The following NUSAP1 variants were observed in gnomAD, a reference collection of about 807,000 sequenced individuals.
NUSAP1 encodes the protein nucleolar and spindle associated protein 1, also known as nucleolar and spindle-associated protein 1.
A neutral mutation model predicts 52.8 loss-of-function variants in NUSAP1; 32 were observed. The ratio of observed to expected loss-of-function variants is 0.61; its 90% CI spans 0.46 to 0.81. The LOEUF is 0.81. Among genes scored for constraint, NUSAP1 ranks in the 40% least tolerant of loss-of-function variants. The pLI, the probability that NUSAP1 is intolerant of heterozygous loss-of-function variation, is 0.00. For synonymous variants in NUSAP1, 195 were observed against 183.1 expected (o/e 1.06, Z -0.52); for missense variants, 499 against 522.3 (o/e 0.96, Z 0.43).
At chr15:41,340,014 C>G (rs1466829495) in intron 1 of NUSAP1, among the ~76,000 whole-genome samples, 2 of 150,584 alleles carry the variant, frequency 1.3e-5, no homozygotes, top group East Asian at 4.0e-4. Flanking sequence ...TTTGGGTGAT[C>G]TTCCTGCCTC....
At chr15:41,357,857 G>A (rs942729525) in intron 5 of NUSAP1, among the ~76,000 whole-genome samples, 1 of 152,058 alleles carries the variant, frequency 6.6e-6, no homozygotes, top group African/African-American at 2.4e-5. Flanking sequence ...GTGACTAATT[G>A]GTAGGGGAGA....
rs2048688622 is a variant in NUSAP1, at chr15:41,349,120, C to T, written c.185C>T (p.Ser62Phe). The T allele has an allele frequency of 6.2e-7, 1 of 1,613,858 alleles. No individual in the cohort carries two copies. Among genetic ancestry groups the T allele is most frequent in the Non-Finnish European group, 8.5e-7 (1 of 1,179,812 alleles). ...CAGGATGAAAGTCAAACTTCTGCAT[C>T]CTCTTGTGATGAGACTGAGATACAG... ...ENQDESQTSA[S>F]SCDETEIQIS... is the part of the protein sequence containing the mutation. Residue 62 changes from serine (S) to phenylalanine (F), a missense_variant, in exon 3 of 11, where the codon TCC becomes TTC. Transcript: ENST00000559596.
intron 6 of NUSAP1, among the ~76,000 whole-genome samples, chr15:41,363,345 A>C (rs918737702): frequency 1.3e-4 from 20 of 149,468 alleles, no homozygotes; most frequent in Middle Eastern, 3.6e-3. Flanking sequence ...CTCTCTATAT[A>C]TATATACAAT....
intron 1 of NUSAP1, among the ~76,000 whole-genome samples, chr15:41,334,607 G>T (rs1273335542): frequency 1.3e-5 from 2 of 152,190 alleles, no homozygotes; most frequent in African/African-American, 4.8e-5. Context: ...ATCCAAGGCT[G>T]CATCCCTGAA....
chr15:41,349,274 A>T, intron 3 of NUSAP1, 33 bp downstream of exon 3: 1 of 1,588,788 alleles, frequency 6.3e-7, no homozygotes, highest in African/African-American at 1.4e-5. Flanking sequence ...AAAATAAACC[A>T]CCTATGCCAA....
chr15:41,358,108 G>T, intron 5 of NUSAP1, 41 bp from the exon 6 acceptor site: 1 of 882,128 alleles, frequency 1.1e-6, no homozygotes, highest in Non-Finnish European at 1.8e-6. Flanking sequence ...TAAATAAATG[G>T]ATTTTGTTTT....
chr15:41,376,194 G>A (rs941061198), intron 9 of NUSAP1, among the ~76,000 whole-genome samples: 2 of 151,486 alleles, frequency 1.3e-5, no homozygotes, highest in Non-Finnish European at 2.9e-5. Context: ...TCAGGAGTTC[G>A]AGATCAGCCT....
Position 41,380,704 on chromosome 15 carries a change from T to C in NUSAP1, c.*518T>C, listed in dbSNP as rs2050174403. On this transcript the variant is annotated 3_prime_UTR_variant, in exon 11 of 11. Transcript: ENST00000559596. ...ACATCAATATTTTACCTAGGTGAAA[T>C]TGTTTAGGCTTATGTACCTTCGTTC... The C allele has an allele frequency of 6.6e-6, 1 of 152,472 alleles. No individual in the cohort carries two copies. The highest frequency in any genetic ancestry group is 1.5e-5 in the Non-Finnish European group (1 of 68,294). 9.4% of individuals were successfully genotyped at this position (152,472 alleles called of 1,614,324 possible).
chr15:41,348,995 T>C, intron 2 of NUSAP1, 103 bp from the exon 3 acceptor site: 1 of 1,199,864 alleles, frequency 8.3e-7, no homozygotes, highest in South Asian at 1.6e-5. Flanking sequence ...AAATTTTTTC[T>C]TTTGCATATG....
At chr15:41,375,890 G>A in intron 9 of NUSAP1, 62 bp downstream of exon 9, 2 of 1,126,768 alleles carry the variant, frequency 1.8e-6, no homozygotes, top group Non-Finnish European at 2.7e-6. Flanking sequence ...GGGACGCAGT[G>A]GCTCACACCT....
chr15:41,380,292 GCTAA>G lies in NUSAP1; in HGVS notation c.*109_*112del, dbSNP rs1282719288. 7 of 706,646 alleles carry G rather than the reference GCTAA, an allele frequency of 9.9e-6. No homozygotes were observed. Among genetic ancestry groups the G allele is most frequent in the African/African-American group, 5.5e-5 (3 of 54,452 alleles). The allele number at this position is 706,646 out of a possible 1,614,324, so 43.8% of individuals were successfully genotyped here. Reference sequence around the variant, plus strand: ...CACTTTAGTCACGAGATCTTTTTCTGCTAACTGTTCATAGTCTGTGTAGTGTCCA... The same window carrying G: ...CACTTTAGTCACGAGATCTTTTTCTGCTGTTCATAGTCTGTGTAGTGTCCA... On this transcript the variant is annotated 3_prime_UTR_variant, in exon 11 of 11. Transcript: ENST00000559596.
intron 1 of NUSAP1, among the ~76,000 whole-genome samples, chr15:41,337,924 CTTTTTTCT>C (rs1396590250): frequency 2.2e-5 from 3 of 135,926 alleles, no homozygotes; most frequent in Non-Finnish European, 3.1e-5. Context: ...TTTTTCTTTT[CTTTTTTCT>C]TTTTTTTTTT....
chr15:41,333,313 GT>G (rs982104060), intron 1 of NUSAP1, among the ~76,000 whole-genome samples: 4 of 152,062 alleles, frequency 2.6e-5, no homozygotes, highest in African/African-American at 9.7e-5. Context: ...ATTGTTTTTT[GT>G]TTTGTTTTGT....
intron 7 of NUSAP1, among the ~76,000 whole-genome samples, chr15:41,367,898 G>A (rs903470504): frequency 5.3e-5 from 8 of 152,100 alleles, no homozygotes; most frequent in African/African-American, 1.9e-4. Flanking sequence ...CTCCCCTGAT[G>A]CACTCCAGTG....
chr15:41,333,855 T>C (rs1247821411), intron 1 of NUSAP1, among the ~76,000 whole-genome samples: 3 of 152,184 alleles, frequency 2.0e-5, no homozygotes, highest in African/African-American at 7.2e-5. Context: ...GAGGTGGCAG[T>C]GAGCCAAGAT....
Position 41,371,702 on chromosome 15 carries a change from CAAAA to C in NUSAP1, c.1006+19_1006+22del. The C allele has an allele frequency of 3.6e-6, 5 of 1,406,760 alleles. No individual in the cohort carries two copies. The highest frequency in any genetic ancestry group is 4.8e-6 in the Non-Finnish European group (5 of 1,039,984). 87.1% of individuals were successfully genotyped at this position (1,406,760 alleles called of 1,614,324 possible). ...TGCTGCTGGTAAAAAAAAAAAAAAA[CAAAA>C]GAAATCTGTTTCATTTTTAAGCCAT... On this transcript the variant is annotated intron_variant, in intron 8 of 10. Transcript: ENST00000559596.
intron 10 of NUSAP1, among the ~76,000 whole-genome samples, chr15:41,378,574 A>G (rs2050068837): frequency 6.6e-6 from 1 of 152,150 alleles, no homozygotes; most frequent in African/African-American, 2.4e-5. Context: ...TCACGATGTC[A>G]GGAGTTGAAG....
intron 9 of NUSAP1, among the ~76,000 whole-genome samples, chr15:41,376,342 T>C (rs1214135716): frequency 6.6e-6 from 1 of 151,522 alleles, no homozygotes; most frequent in Non-Finnish European, 1.5e-5. Context: ...GAGGTTGCAG[T>C]GAGCCGAGAT....
chr15:41,377,092 A>C (rs543171520), intron 9 of NUSAP1, 104 bp from the exon 10 acceptor site: 1 of 645,878 alleles, frequency 1.5e-6, no homozygotes, highest in African/African-American at 1.9e-5. Context: ...AAGAAAAAAA[A>C]AGTATAAATG....
Sources: allele counts gnomAD v4.1 joint callset (sites outside exome capture counted in the v4.1 genomes callset), GRCh38; gene constraint gnomAD v4.1.1; transcripts MANE v1.5; gene names NCBI Gene and HGNC (gene_info 2026-07-23, HGNC 2026-07-21).